The following PPP1R36 variants were observed in gnomAD, a reference collection of about 807,000 sequenced individuals.
PPP1R36 encodes the protein protein phosphatase 1 regulatory subunit 36.
In PPP1R36, 47 loss-of-function variants were observed where a neutral mutation model predicts 53.4. The observed-to-expected ratio is 0.88, with a 90% CI of 0.70 to 1.12. The LOEUF (loss-of-function observed/expected upper bound fraction) is 1.12. PPP1R36 is among the 50% of genes most tolerant of loss of function. The probability of loss-of-function intolerance (pLI) is 0.00; values close to 1 mark genes in which losing one functional copy is unlikely to be tolerated. For synonymous variants in PPP1R36, 153 were observed against 170.5 expected, an observed-to-expected ratio of 0.90 and a Z score of 0.80; for missense variants, 456 against 513.9, an observed-to-expected ratio of 0.89 and a Z score of 1.09.
chr14:64,584,455 A>G (rs1409079088), intron 8 of PPP1R36, among the ~76,000 whole-genome samples: 1 of 152,126 alleles, frequency 6.6e-6, no homozygotes, highest in Non-Finnish European at 1.5e-5. Context: ...ATTTACAGTT[A>G]GTTATGGAAG....
At chr14:64,575,242 T>TC (rs1172187479) in intron 8 of PPP1R36, among the ~76,000 whole-genome samples, 2 of 151,684 alleles carry the variant, frequency 1.3e-5, no homozygotes, top group Non-Finnish European at 2.9e-5. Context: ...AAATAATTAT[T>TC]CCCCCCATAG....
At chr14:64,582,155 C>T (rs2080394584) in intron 8 of PPP1R36, among the ~76,000 whole-genome samples, 1 of 152,044 alleles carries the variant, frequency 6.6e-6, no homozygotes, top group Non-Finnish European at 1.5e-5. Context: ...CCCCCAGTCA[C>T]ATGCACCAAA....
At chr14:64,567,500 A>G (rs927054024) in intron 6 of PPP1R36, among the ~76,000 whole-genome samples, 1 of 152,246 alleles carries the variant, frequency 6.6e-6, no homozygotes, top group African/African-American at 2.4e-5. Flanking sequence ...GAAAAGTGAC[A>G]AAAGCAAGTT....
intron 8 of PPP1R36, among the ~76,000 whole-genome samples, chr14:64,584,005 A>G (rs1388417016): frequency 6.7e-6 from 1 of 149,976 alleles, no homozygotes; most frequent in African/African-American, 2.5e-5. Context: ...GGTTCAAGCA[A>G]TTCTCCCTGA....
chr14:64,574,393 T>C (rs1417300573), intron 7 of PPP1R36, 62 bp from the exon 8 acceptor site: 2 of 1,490,134 alleles, frequency 1.3e-6, no homozygotes, highest in African/African-American at 1.4e-5. Context: ...GACTTTTTGC[T>C]AGTTAATATA....
chr14:64,570,818 G>T (rs995839030), intron 7 of PPP1R36, among the ~76,000 whole-genome samples: 11 of 152,272 alleles, frequency 7.2e-5, no homozygotes, highest in Non-Finnish European at 1.5e-4. Context: ...TTGATGTCAG[G>T]TGATTAAAAG....
chr14:64,568,648 A>G (rs139274341), intron 7 of PPP1R36, among the ~76,000 whole-genome samples: 1 of 152,346 alleles, frequency 6.6e-6, no homozygotes, highest in Non-Finnish European at 1.5e-5. Flanking sequence ...TCCAACTGAT[A>G]CAGACTAGCA....
chr14:64,574,112 C>T (rs1057240842), intron 7 of PPP1R36, among the ~76,000 whole-genome samples: 3 of 152,078 alleles, frequency 2.0e-5, no homozygotes, highest in Non-Finnish European at 4.4e-5. Context: ...CACACTGGCT[C>T]ACGCCTGCCA....
At chr14:64,551,673 A>C (rs1566646582) in intron 2 of PPP1R36, 2 of 456,302 alleles carry the variant, frequency 4.4e-6, no homozygotes, top group Non-Finnish European at 8.8e-6. Context: ...CAACTGAACC[A>C]AAGTCATACA....
In PPP1R36 at chr14:64,587,376, T is replaced by C; in HGVS notation, c.890+4T>C. The stretch of plus-strand genomic sequence containing the variant: ...GCATGACTTTTGTTCAGTTCAGGTA[T>C]GACCTTTTGACTTTCCTATGCTCAG... On this transcript the variant is annotated splice_donor_region_variant and intron_variant, in intron 10 of 11. Coordinates refer to ENST00000298705, the MANE Select transcript of PPP1R36 (RefSeq NM_172365.3). 1.3e-6 allele frequency: 2 copies of C among 1,566,530 alleles called. No homozygotes were observed. Among genetic ancestry groups the C allele is most frequent in the Non-Finnish European group, 8.7e-7 (1 of 1,154,138 alleles).
intron 7 of PPP1R36, among the ~76,000 whole-genome samples, chr14:64,572,808 T>C (rs1157435755): frequency 6.6e-6 from 1 of 152,204 alleles, no homozygotes; most frequent in Non-Finnish European, 1.5e-5. Context: ...GGTTGTTTTC[T>C]ACAGCAAAAG....
rs772452565 is a variant in PPP1R36 at position 64,589,197 on chromosome 14, G to A, written c.1128G>A (p.Thr376=). 11 of 1,613,762 alleles carry A rather than the reference G, an allele frequency of 6.8e-6. No homozygotes were observed. The Admixed American group carries it at 8.3e-5, about 12-fold the overall frequency. Residue 376 remains threonine (T), a synonymous_variant, in exon 12 of 12, where the codon ACG becomes ACA. Coordinates refer to ENST00000298705, the MANE Select transcript of PPP1R36 (RefSeq NM_172365.3). ...GEPRCLFNPH[T]LHPLDPEENT... is the part of the protein sequence containing the mutation. ...CTCGATGTCTATTCAACCCACATAC[G>A]CTTCACCCCCTTGATCCAGAAGAAA...
At chr14:64,567,764 C>T (rs796311264) in intron 6 of PPP1R36, among the ~76,000 whole-genome samples, 5 of 152,070 alleles carry the variant, frequency 3.3e-5, no homozygotes, top group Admixed American at 6.5e-5. Context: ...TGGGTTCAAG[C>T]GATTCTCCTG....
chr14:64,553,371 T>C (rs1363946064), intron 3 of PPP1R36, among the ~76,000 whole-genome samples: 1 of 152,244 alleles, frequency 6.6e-6, no homozygotes, highest in Admixed American at 6.5e-5. Context: ...TCATCTTTCA[T>C]ATTCGTGAAA....
chr14:64,577,092 G>A (rs1012217562), intron 8 of PPP1R36, among the ~76,000 whole-genome samples: 2 of 152,176 alleles, frequency 1.3e-5, no homozygotes, highest in Non-Finnish European at 2.9e-5. Context: ...GCATGGTCAG[G>A]CTCTGGTGAG....
chr14:64,577,233 G>A (rs573596516), intron 8 of PPP1R36, among the ~76,000 whole-genome samples: 4 of 152,260 alleles, frequency 2.6e-5, no homozygotes, highest in South Asian at 2.1e-4. Flanking sequence ...CTCTATGTCC[G>A]TGACTTAATT....
chr14:64,564,663 C>T (rs2080234321), intron 3 of PPP1R36, 88 bp from the exon 4 acceptor site: 2 of 819,640 alleles, frequency 2.4e-6, no homozygotes, highest in Non-Finnish European at 4.0e-6. Context: ...ATAATATATG[C>T]TAGTCCAAAG....
At chr14:64,568,518 TAA>T (rs1253800439) in intron 7 of PPP1R36, 71 bp downstream of exon 7, 4 of 665,800 alleles carry the variant, frequency 6.0e-6, no homozygotes, top group East Asian at 2.8e-5. Flanking sequence ...TTGTCTAGGA[TAA>T]AGAGATGATG....
At position 64,574,617 on chromosome 14, in the gene PPP1R36, T is replaced by C. The variant is rs745361510; in HGVS notation, c.668+28T>C. On this transcript the variant is annotated intron_variant, in intron 8 of 11. Coordinates refer to ENST00000298705, the MANE Select transcript of PPP1R36 (RefSeq NM_172365.3). ...AAGCAGATACTTACACTTCATTAGA[T>C]CATCACTCCATCATAGACTCACATC... The C allele has an allele frequency of 3.8e-6, 6 of 1,595,188 alleles. No homozygotes were observed. In the African/African-American group the frequency reaches 8.1e-5, roughly 22 times the overall value.
Sources: allele counts gnomAD v4.1 joint callset (sites outside exome capture counted in the v4.1 genomes callset), GRCh38; gene constraint gnomAD v4.1.1; transcripts MANE v1.5; gene names NCBI Gene and HGNC (gene_info 2026-07-23, HGNC 2026-07-21).